Variants in SSBP3 observed in about 807,000 individuals in gnomAD.
SSBP3 encodes the protein single stranded DNA binding protein 3, also known as single-stranded DNA-binding protein 3.
A neutral mutation model predicts 69.6 loss-of-function variants in SSBP3; 5 were observed. The ratio of observed to expected loss-of-function variants is 0.07; its 90% CI spans 0.04 to 0.15. The LOEUF (loss-of-function observed/expected upper bound fraction) is 0.15. SSBP3 is among the 10% of genes least tolerant of loss of function. SSBP3 has a pLI of 1.00. For synonymous variants in SSBP3, 196 were observed against 193.4 expected (o/e 1.01, Z -0.11); for missense variants, 312 against 534.0 (o/e 0.58, Z 4.10).
chr1:54,292,680 G>T (rs1252422022), intron 4 of SSBP3, among the ~76,000 whole-genome samples: 2 of 152,172 alleles, frequency 1.3e-5, no homozygotes, highest in African/African-American at 2.4e-5. Context: ...TCAGGGCTCT[G>T]AACAAACGAG....
chr1:54,405,069 C>G, intron 1 of SSBP3, 139 bp from the exon 2 acceptor site: 1 of 750,318 alleles, frequency 1.3e-6, no homozygotes, highest in Admixed American at 2.2e-5. Flanking sequence ...GCAGCTAGCT[C>G]ACCCCAAACA....
intron 4 of SSBP3, among the ~76,000 whole-genome samples, chr1:54,320,987 G>C (rs184290509): frequency 1.3e-5 from 2 of 152,228 alleles, no homozygotes; most frequent in African/African-American, 4.8e-5. Context: ...GCAAGGGGAA[G>C]CTTGCCCCCT....
intron 9 of SSBP3, 159 bp from the exon 10 acceptor site, chr1:54,243,458 G>T: frequency 2.4e-6 from 2 of 829,418 alleles, no homozygotes; most frequent in Non-Finnish European, 3.9e-6. Flanking sequence ...GGGCGGGTGG[G>T]AACCAAGTCA....
At chr1:54,232,084 C>A (rs1644389215) in intron 14 of SSBP3, among the ~76,000 whole-genome samples, 1 of 152,148 alleles carries the variant, frequency 6.6e-6, no homozygotes, top group South Asian at 2.1e-4. Context: ...GTCTCAGCAT[C>A]ATTTATTCTG....
At chr1:54,315,752 C>G (rs1646085110) in intron 4 of SSBP3, among the ~76,000 whole-genome samples, 2 of 152,172 alleles carry the variant, frequency 1.3e-5, no homozygotes, top group African/African-American at 4.8e-5. Context: ...GCCTCAAACC[C>G]CCAAGCTCAA....
chr1:54,393,852 C>T (rs999943883), intron 4 of SSBP3, among the ~76,000 whole-genome samples: 1 of 152,118 alleles, frequency 6.6e-6, no homozygotes, highest in Non-Finnish European at 1.5e-5. Flanking sequence ...CTCCACCTCC[C>T]GGGTTCAAAC....
intron 4 of SSBP3, among the ~76,000 whole-genome samples, chr1:54,369,711 C>G (rs1000682458): frequency 1.3e-5 from 2 of 151,596 alleles, no homozygotes; most frequent in African/African-American, 2.4e-5. Context: ...ACGCTCAGAA[C>G]AGAATCAGAT....
At chr1:54,346,747 G>C (rs571785451) in intron 4 of SSBP3, among the ~76,000 whole-genome samples, 1 of 151,444 alleles carries the variant, frequency 6.6e-6, no homozygotes, top group Non-Finnish European at 1.5e-5. Flanking sequence ...CCCGGGAGGC[G>C]GAGCTTGCAG....
upstream of SSBP3, among the ~76,000 whole-genome samples, chr1:54,408,561 A>G (rs559353182): frequency 6.6e-6 from 1 of 152,204 alleles, no homozygotes; most frequent in Non-Finnish European, 1.5e-5. Context: ...CGGCCCTGCT[A>G]TGACCCAGGA....
intron 4 of SSBP3, among the ~76,000 whole-genome samples, chr1:54,340,191 A>G (rs1386021485): frequency 6.6e-6 from 1 of 152,214 alleles, no homozygotes; most frequent in Non-Finnish European, 1.5e-5. Context: ...GAACAAATTA[A>G]TTTTATCTCT....
In SSBP3 at chr1:54,346,450, T is replaced by C. The variant is rs1027938631; in HGVS notation, c.276+55411A>G. Among the ~76,000 whole-genome samples, 4 of 152,132 alleles carry C rather than the reference T, an allele frequency of 2.6e-5. No individual in the cohort carries two copies. In the South Asian group the frequency reaches 8.3e-4, roughly 32 times the overall value. On this transcript the variant is annotated intron_variant, in intron 4 of 17. Coordinates refer to ENST00000610401, the Ensembl canonical transcript of SSBP3. ...GGCACTGTCACCCTATGCTGGGGGT[T>C]GAATTGTGTACCTCCAAAAGATATG... is the stretch of plus-strand genomic sequence containing the variant.
Position 54,333,558 on chromosome 1 carries a change from C to T in SSBP3, c.277-52031G>A, listed in dbSNP as rs116190304. 5.4e-3 allele frequency among the ~76,000 whole-genome samples: 815 copies of T among 152,062 alleles called. 10 individuals are homozygous for T. Among genetic ancestry groups the T allele is most frequent in the African/African-American group, 0.019 (777 of 41,496 alleles). On this transcript the variant is annotated intron_variant, in intron 4 of 17. Coordinates refer to ENST00000610401, the Ensembl canonical transcript of SSBP3. ...GGAGGCTGAGGGAACATAGTGAGACCCCGTTTCTACATAACAAAACCAAAA... is the reference window on the plus strand; with the variant it reads ...GGAGGCTGAGGGAACATAGTGAGACTCCGTTTCTACATAACAAAACCAAAA...
chr1:54,275,777 G>A (rs550573038), intron 5 of SSBP3, among the ~76,000 whole-genome samples: 1 of 152,188 alleles, frequency 6.6e-6, no homozygotes, highest in Non-Finnish European at 1.5e-5. Flanking sequence ...GGGGCTGAGA[G>A]CTCACAGGGG....
At chr1:54,239,690 G>A (rs1463356932) in intron 13 of SSBP3, among the ~76,000 whole-genome samples, 1 of 152,244 alleles carries the variant, frequency 6.6e-6, no homozygotes, top group Non-Finnish European at 1.5e-5. Flanking sequence ...TGGAGTGGGT[G>A]CATGTGGCCC....
At chr1:54,271,844 A>G (rs1645200227) in intron 5 of SSBP3, among the ~76,000 whole-genome samples, 1 of 152,104 alleles carries the variant, frequency 6.6e-6, no homozygotes, top group Non-Finnish European at 1.5e-5. Context: ...ATTTCAGCTC[A>G]CTGCAACCTC....
At chr1:54,308,043 T>G (rs900061266) in intron 4 of SSBP3, among the ~76,000 whole-genome samples, 3 of 152,236 alleles carry the variant, frequency 2.0e-5, no homozygotes, top group African/African-American at 7.2e-5. Context: ...GGGGTCTGGA[T>G]TGGGACCCCT....
intron 4 of SSBP3, among the ~76,000 whole-genome samples, chr1:54,304,074 AG>A (rs1284826226): frequency 1.3e-5 from 2 of 152,096 alleles, no homozygotes; most frequent in Admixed American, 1.3e-4. Context: ...GTTTCAGACA[AG>A]GGGAAACTTG....
chr1:54,226,861 A>C, exon 18 of SSBP3: 2 of 464,850 alleles, frequency 4.3e-6, no homozygotes, highest in Non-Finnish European at 8.1e-6. Context: ...GGGAAAGGGC[A>C]AGGGGTGGGA....
intron 4 of SSBP3, among the ~76,000 whole-genome samples, chr1:54,319,094 C>A (rs1186723573): frequency 6.6e-6 from 1 of 152,174 alleles, no homozygotes; most frequent in Non-Finnish European, 1.5e-5. Context: ...GGCAAAGAAC[C>A]AACCAGCCCT....
Sources: gnomAD v4.1 joint callset for allele counts (sites outside exome capture counted in the v4.1 genomes callset) on GRCh38, gnomAD v4.1.1 for gene constraint, MANE v1.5 for transcripts, NCBI Gene and HGNC (gene_info 2026-07-23, HGNC 2026-07-21) for gene names.